Variants in DLG2 observed in about 807,000 individuals in gnomAD.
DLG2 encodes discs large MAGUK scaffold protein 2.
A neutral mutation model predicts 132.5 loss-of-function variants in DLG2; 45 were observed. The ratio of observed to expected loss-of-function variants is 0.34; its 90% CI spans 0.27 to 0.44. The LOEUF (loss-of-function observed/expected upper bound fraction) is 0.44, where lower values mean the gene tolerates loss of function less well. Among genes scored for constraint, DLG2 ranks in the 20% least tolerant of loss-of-function variants. The pLI, the probability that DLG2 is intolerant of heterozygous loss-of-function variation, is 1.00. For synonymous variants in DLG2, 424 were observed against 419.6 expected (o/e 1.01, Z -0.13); for missense variants, 1,045 against 1,196.9 (o/e 0.87, Z 1.87).
chr11:83,986,301 T>G (rs1156487368), intron 11 of DLG2, among the ~76,000 whole-genome samples: 3 of 151,262 alleles, frequency 2.0e-5, no homozygotes, highest in Middle Eastern at 3.4e-3. Flanking sequence ...TGAGTGAGAA[T>G]ATGCGGCATT....
At chr11:83,604,507 C>T (rs1165859338) in intron 19 of DLG2, among the ~76,000 whole-genome samples, 1 of 152,158 alleles carries the variant, frequency 6.6e-6, no homozygotes, top group African/African-American at 2.4e-5. Flanking sequence ...GAAAAATACA[C>T]TTTGTCAAAT....
intron 4 of DLG2, among the ~76,000 whole-genome samples, chr11:85,268,915 C>T (rs966779506): frequency 3.3e-5 from 5 of 152,110 alleles, no homozygotes; most frequent in Non-Finnish European, 5.9e-5. Context: ...TTACAACTAA[C>T]GGATAGAATT....
intron 9 of DLG2, among the ~76,000 whole-genome samples, chr11:84,141,987 C>T (rs2094869518): frequency 1.3e-5 from 2 of 151,856 alleles, no homozygotes; most frequent in South Asian, 4.2e-4. Context: ...TCTGACTTTC[C>T]ATCTTTCTAG....
intron 6 of DLG2, among the ~76,000 whole-genome samples, chr11:84,788,100 C>CAAA (rs139086655): frequency 0.071 from 3,222 of 45,632 alleles, 427 homozygotes; most frequent in Middle Eastern, 0.12. Flanking sequence ...GAATATGTCT[C>CAAA]AAAAAAAAAA....
intron 18 of DLG2, among the ~76,000 whole-genome samples, chr11:83,688,664 T>A (rs1403371051): frequency 6.6e-6 from 1 of 152,182 alleles, no homozygotes; most frequent in Non-Finnish European, 1.5e-5. Context: ...TATATAGAAA[T>A]TAATATATAT....
intron 3 of DLG2, among the ~76,000 whole-genome samples, chr11:85,303,750 T>A (rs991784374): frequency 2.4e-4 from 36 of 152,200 alleles, no homozygotes; most frequent in Admixed American, 2.4e-3. Flanking sequence ...CTATCTGGCC[T>A]TATAAACTTC....
At chr11:83,906,484 T>C (rs758519879) in intron 15 of DLG2, among the ~76,000 whole-genome samples, 1 of 152,042 alleles carries the variant, frequency 6.6e-6, no homozygotes, top group Non-Finnish European at 1.5e-5. Context: ...CATAAGAAAG[T>C]TGATCACTCA....
chr11:84,459,745 T>G (rs987951343), intron 7 of DLG2, among the ~76,000 whole-genome samples: 5 of 150,666 alleles, frequency 3.3e-5, no homozygotes, highest in East Asian at 1.9e-4. Context: ...AATTATATTT[T>G]CCATTTTTTG....
At chr11:84,052,706 A>C (rs983134894) in intron 11 of DLG2, among the ~76,000 whole-genome samples, 2 of 135,380 alleles carry the variant, frequency 1.5e-5, no homozygotes, top group African/African-American at 2.6e-5. Flanking sequence ...AAAAAAAAAA[A>C]CAGATGCAGG....
At chr11:84,549,533 A>G (rs956606627) in intron 6 of DLG2, among the ~76,000 whole-genome samples, 2 of 152,310 alleles carry the variant, frequency 1.3e-5, no homozygotes, top group South Asian at 2.1e-4. Flanking sequence ...CCTGCAGCTC[A>G]GTTCCTGGGT....
rs540312890 is a variant in DLG2 at position 84,166,831 on chromosome 11, G to C, written c.574-3320C>G. On this transcript the variant is annotated intron_variant, in intron 8 of 27. Coordinates refer to ENST00000376104, the MANE Select transcript of DLG2 (RefSeq NM_001142699.3). ...ATCCATTGTTGTTTGAACTTGCCTT[G>C]GTGTCTCATATAATATTCCCAATCA... is the stretch of plus-strand genomic sequence containing the variant. The C allele has an allele frequency of 8.4e-6, 4 of 479,028 alleles. No homozygotes were observed. The East Asian group carries it at 2.3e-4, about 27-fold the overall frequency. The allele number at this position is 479,028 out of a possible 1,614,324, so 29.7% of individuals were successfully genotyped here. A position where few individuals can be genotyped will look rare whatever the true frequency, so the allele number is the denominator to read the frequency against.
chr11:84,558,937 A>AT (rs2099417509), intron 6 of DLG2, among the ~76,000 whole-genome samples: 1 of 152,078 alleles, frequency 6.6e-6, no homozygotes, highest in Admixed American at 6.5e-5. Context: ...CCCTCAAAAC[A>AT]TTTTTTATAC....
chr11:85,553,425 T>C (rs2076772675), intron 3 of DLG2, among the ~76,000 whole-genome samples: 2 of 151,476 alleles, frequency 1.3e-5, no homozygotes, highest in Admixed American at 1.3e-4. Context: ...AATTATCATA[T>C]GTTGGACTAT....
chr11:84,461,664 G>A (rs1567697146), intron 7 of DLG2, among the ~76,000 whole-genome samples: 1 of 150,892 alleles, frequency 6.6e-6, no homozygotes, highest in African/African-American at 2.4e-5. Context: ...CTTTGGGTGA[G>A]AATTTAGAAG....
In DLG2 at chr11:84,750,705, G is replaced by A. The variant is rs192583360; in HGVS notation, c.358-215974C>T. ...TACATGGATCAAGGTGTTTAACATA[G>A]GCTGTTTTTCAATTACTTCATATTG... On this transcript the variant is annotated intron_variant, in intron 6 of 27. Transcript: ENST00000376104. 6.6e-5 allele frequency among the ~76,000 whole-genome samples: 10 copies of A among 152,116 alleles called. 1 individual carries two copies. Among genetic ancestry groups the A allele is most frequent in the African/African-American group, 2.4e-4 (10 of 41,518 alleles).
chr11:84,796,681 T>C lies in DLG2; in HGVS notation c.358-261950A>G, dbSNP rs1218684916. ...TTGCGGATAAACTATTCTAGGGTAA[T>C]TTTTTTCCCCCTGCAGCACTTTAAA... is the stretch of plus-strand genomic sequence containing the variant. On this transcript the variant is annotated intron_variant, in intron 6 of 27. Coordinates refer to ENST00000376104, the MANE Select transcript of DLG2 (RefSeq NM_001142699.3). Among the ~76,000 whole-genome samples, 6 of 130,474 alleles carry C rather than the reference T, an allele frequency of 4.6e-5. No individual in the cohort carries two copies. The East Asian group carries it at 8.0e-4, about 17-fold the overall frequency. 85.6% of individuals were successfully genotyped at this position (130,474 alleles called of 152,430 possible).
chr11:83,462,177 T>C (rs2090153831), intron 26 of DLG2, 84 bp from the exon 27 acceptor site: 5 of 902,896 alleles, frequency 5.5e-6, no homozygotes, highest in South Asian at 4.2e-5. Flanking sequence ...AAATAAATCC[T>C]ACAGAAAACA....
At chr11:84,699,708 G>A (rs1206213655) in intron 6 of DLG2, among the ~76,000 whole-genome samples, 1 of 151,510 alleles carries the variant, frequency 6.6e-6, no homozygotes, top group Non-Finnish European at 1.5e-5. Context: ...AATGGGCTGG[G>A]TACTGACTCT....
chr11:83,772,909 G>T (rs1395885779), intron 18 of DLG2, among the ~76,000 whole-genome samples: 1 of 152,170 alleles, frequency 6.6e-6, no homozygotes, highest in Non-Finnish European at 1.5e-5. Context: ...GATCAATGGA[G>T]ACGAAGAGGA....
Sources: gnomAD v4.1 joint callset for allele counts (sites outside exome capture counted in the v4.1 genomes callset) on GRCh38, gnomAD v4.1.1 for gene constraint, MANE v1.5 for transcripts, NCBI Gene and HGNC (gene_info 2026-07-23, HGNC 2026-07-21) for gene names.